Variants in RORA observed in about 807,000 individuals in gnomAD.
The protein encoded by RORA is RAR related orphan receptor A.
Under a neutral mutation model 69.5 loss-of-function variants are expected in RORA, and 7 were observed. The ratio of observed to expected loss-of-function variants is 0.10; its 90% CI spans 0.06 to 0.19. RORA has a LOEUF of 0.19. RORA is among the 10% of genes least tolerant of loss of function. The pLI, the probability that RORA is intolerant of heterozygous loss-of-function variation, is 1.00. For missense variants in RORA, 457 were observed against 663.0 expected (o/e 0.69, Z 3.41); for synonymous variants, 261 against 240.8 (o/e 1.08, Z -0.78).
intron 1 of RORA, among the ~76,000 whole-genome samples, chr15:61,001,327 T>C (rs936720140): frequency 1.3e-5 from 2 of 152,242 alleles, no homozygotes; most frequent in Non-Finnish European, 2.9e-5. Context: ...CAGATTCCCA[T>C]TGGAACTATC....
intron 1 of RORA, among the ~76,000 whole-genome samples, chr15:61,215,132 C>T (rs1355416287): frequency 1.3e-5 from 2 of 150,868 alleles, no homozygotes; most frequent in African/African-American, 4.9e-5. Flanking sequence ...ATCCGCCCGC[C>T]TCAGCCTCCC....
At chr15:60,713,541 ATACACGCCCCCG>A (rs888805598) in intron 1 of RORA, among the ~76,000 whole-genome samples, 1 of 152,188 alleles carries the variant, frequency 6.6e-6, no homozygotes, top group Non-Finnish European at 1.5e-5. Flanking sequence ...ACATTTAAAA[ATACACGCCCCCG>A]TACATTCCAC....
rs199869761 is a variant in RORA, at chr15:60,654,410, GGCAA to G, written c.196+24243_196+24246del. ...AGAATAAAGCATTCAAAACAAAGCAGGCAAGCAAGCAAGCAAACAGAAACCCATC... is the reference window on the plus strand; with the variant it reads ...AGAATAAAGCATTCAAAACAAAGCAGGCAAGCAAGCAAACAGAAACCCATC... On this transcript the variant is annotated intron_variant, in intron 2 of 10. Coordinates refer to ENST00000335670, the MANE Select transcript of RORA (RefSeq NM_134261.3). Among the ~76,000 whole-genome samples, 80 of 152,250 alleles carry G rather than the reference GGCAA, an allele frequency of 5.3e-4. 1 individual carries two copies. In the East Asian group the frequency reaches 0.015, roughly 29 times the overall value.
chr15:60,756,254 C>A (rs908248466), intron 1 of RORA, among the ~76,000 whole-genome samples: 16 of 152,106 alleles, frequency 1.1e-4, no homozygotes, highest in Admixed American at 8.5e-4. Context: ...ACTTCGTCAC[C>A]CTCCACCATT....
rs16943006 is a variant in RORA, at chr15:60,726,252, T to A, written c.167-47566A>T. ...CACTGTCCAGAATCCCCCTTTAAGC[T>A]CAGAATGAAGGAAATGAAGGTTAAT... On this transcript the variant is annotated intron_variant, in intron 1 of 10. Coordinates refer to ENST00000335670, the MANE Select transcript of RORA (RefSeq NM_134261.3). Among the ~76,000 whole-genome samples, 1,365 of 152,038 alleles carry A rather than the reference T, an allele frequency of 9.0e-3. 23 individuals carry two copies. The highest frequency in any genetic ancestry group is 0.031 in the African/African-American group (1,283 of 41,432).
chr15:60,528,579 G>C (rs2066434567), intron 3 of RORA: 2 of 152,140 alleles, frequency 1.3e-5, no homozygotes, highest in South Asian at 4.1e-4. Context: ...TTTATTGGCA[G>C]ATTCTACATA....
chr15:60,673,177 C>G lies in RORA; in HGVS notation c.196+5480G>C, dbSNP rs143409112. On this transcript the variant is annotated intron_variant, in intron 2 of 10. Coordinates refer to ENST00000335670, the MANE Select transcript of RORA (RefSeq NM_134261.3). Reference sequence around the variant, plus strand: ...ACCTCAAGTCTACTAACTGGGCAAACTTGAATCAACTGGATGTTGGGATGG... The same window carrying G: ...ACCTCAAGTCTACTAACTGGGCAAAGTTGAATCAACTGGATGTTGGGATGG... 4.0e-3 allele frequency among the ~76,000 whole-genome samples: 613 copies of G among 152,296 alleles called. 2 individuals are homozygous for G. The highest frequency in any genetic ancestry group is 6.6e-3 in the Non-Finnish European group (451 of 68,014).
At chr15:60,692,801 C>CT (rs1464183276) in intron 1 of RORA, among the ~76,000 whole-genome samples, 2 of 152,082 alleles carry the variant, frequency 1.3e-5, no homozygotes, top group Non-Finnish European at 2.9e-5. Flanking sequence ...CTCTCTAAAA[C>CT]TGTGTGACTG....
At chr15:60,516,612 C>A (rs1377197608) in intron 3 of RORA, among the ~76,000 whole-genome samples, 1 of 151,930 alleles carries the variant, frequency 6.6e-6, no homozygotes, top group African/African-American at 2.4e-5. Context: ...GAGTGGTAGG[C>A]AAACTGATAA....
chr15:61,046,954 T>C (rs1241970044), intron 1 of RORA, among the ~76,000 whole-genome samples: 1 of 152,238 alleles, frequency 6.6e-6, no homozygotes, highest in Admixed American at 6.5e-5. Context: ...AAGGCCCTTC[T>C]TGGAGAGCAT....
intron 1 of RORA, among the ~76,000 whole-genome samples, chr15:60,963,356 C>T (rs62005590): frequency 0.019 from 2,856 of 152,288 alleles, 45 homozygotes; most frequent in Middle Eastern, 0.044. Context: ...GCACTGTTGA[C>T]TAAGCAGAGG....
At chr15:60,727,117 C>G (rs2071369140) in intron 1 of RORA, among the ~76,000 whole-genome samples, 1 of 152,206 alleles carries the variant, frequency 6.6e-6, no homozygotes, top group South Asian at 2.1e-4. Context: ...ACCAAAAAGA[C>G]AAATATTTCT....
At chr15:60,554,374 A>C (rs990799524) in intron 2 of RORA, among the ~76,000 whole-genome samples, 1 of 152,332 alleles carries the variant, frequency 6.6e-6, no homozygotes. Flanking sequence ...ATATATTCAC[A>C]ATGAGATAAA....
At chr15:60,680,736 G>A (rs1487122825) in intron 1 of RORA, among the ~76,000 whole-genome samples, 2 of 152,046 alleles carry the variant, frequency 1.3e-5, no homozygotes, top group African/African-American at 4.8e-5. Context: ...CTAATTTGTA[G>A]TTTATCTTAC....
intron 1 of RORA, among the ~76,000 whole-genome samples, chr15:60,858,404 G>A (rs1183580236): frequency 2.0e-5 from 3 of 152,180 alleles, no homozygotes; most frequent in Non-Finnish European, 4.4e-5. Flanking sequence ...GACACATGCA[G>A]TGAAGAAAAA....
chr15:61,177,933 C>T (rs1034675757), intron 1 of RORA, among the ~76,000 whole-genome samples: 4 of 150,200 alleles, frequency 2.7e-5, no homozygotes, highest in African/African-American at 4.9e-5. Flanking sequence ...CTGCACTCCA[C>T]CCTGGGCAAC....
intron 1 of RORA, among the ~76,000 whole-genome samples, chr15:61,001,717 T>A (rs1894751646): frequency 6.6e-6 from 1 of 152,162 alleles, no homozygotes; most frequent in African/African-American, 2.4e-5. Flanking sequence ...TGAACAGCTG[T>A]AAAAGCACCA....
intron 1 of RORA, among the ~76,000 whole-genome samples, 156 bp downstream of exon 1, chr15:61,228,888 GGGGGGCGGA>G (rs1362593904): frequency 6.7e-6 from 1 of 150,056 alleles, no homozygotes; most frequent in Non-Finnish European, 1.5e-5. Context: ...CAACATTTCT[GGGGGGCGGA>G]GGGGGGAGGG....
intron 1 of RORA, among the ~76,000 whole-genome samples, chr15:61,068,008 A>G (rs986265987): frequency 6.6e-6 from 1 of 152,232 alleles, no homozygotes; most frequent in Admixed American, 6.5e-5. Flanking sequence ...AGCATCCTCC[A>G]TGATTATACC....
Sources: gnomAD v4.1 joint callset for allele counts (sites outside exome capture counted in the v4.1 genomes callset) on GRCh38, gnomAD v4.1.1 for gene constraint, MANE v1.5 for transcripts, NCBI Gene and HGNC (gene_info 2026-07-23, HGNC 2026-07-21) for gene names.